GMDS: variants seen among roughly 807,000 people sequenced by gnomAD.
GMDS encodes GDP-mannose 4,6-dehydratase.
Under a neutral mutation model 49.9 loss-of-function variants are expected in GMDS, and 20 were observed. That is an observed-to-expected ratio of 0.40 (90% CI 0.28 to 0.58). The LOEUF is 0.58. Among genes scored for constraint, GMDS ranks in the 20% least tolerant of loss-of-function variants. The pLI is 0.42. For synonymous variants in GMDS, 177 were observed against 178.6 expected, an observed-to-expected ratio of 0.99 and a Z score of 0.07; for missense variants, 362 against 481.4, an observed-to-expected ratio of 0.75 and a Z score of 2.32.
chr6:1,977,573 G>C (rs893064996), intron 4 of GMDS, among the ~76,000 whole-genome samples: 4 of 152,170 alleles, frequency 2.6e-5, no homozygotes, highest in African/African-American at 9.7e-5. Flanking sequence ...CTAGGTTATC[G>C]CATTGGAACG....
rs183646299 is a variant in GMDS at position 1,879,851 on chromosome 6, A to C, written c.771+50252T>G. On this transcript the variant is annotated intron_variant, in intron 7 of 10. Transcript: ENST00000380815. ...ACCTCAGAGATAGTACAGCCTTTCTAGGATGATAACATTTTTGAACCCTGA... is the reference window on the plus strand; with the variant it reads ...ACCTCAGAGATAGTACAGCCTTTCTCGGATGATAACATTTTTGAACCCTGA... 3.9e-5 allele frequency among the ~76,000 whole-genome samples: 6 copies of C among 152,306 alleles called. No individual in the cohort carries two copies. In the Middle Eastern group the frequency reaches 0.014, roughly 345 times the overall value.
chr6:2,119,123 GA>G (rs1248017186), intron 2 of GMDS, among the ~76,000 whole-genome samples: 1 of 152,092 alleles, frequency 6.6e-6, no homozygotes, highest in Non-Finnish European at 1.5e-5. Context: ...GTTTGACAAT[GA>G]AAAGAATAAC....
chr6:1,697,777 C>T (rs1341686360), intron 9 of GMDS, among the ~76,000 whole-genome samples: 1 of 152,204 alleles, frequency 6.6e-6, no homozygotes, highest in Non-Finnish European at 1.5e-5. Context: ...AAGTAGAAGT[C>T]AGACTAGATG....
At chr6:1,973,639 C>G (rs551954401) in intron 4 of GMDS, among the ~76,000 whole-genome samples, 1 of 152,130 alleles carries the variant, frequency 6.6e-6, no homozygotes, top group Non-Finnish European at 1.5e-5. Context: ...AAACAACATA[C>G]AGTCTTCATT....
chr6:1,637,034 AC>A (rs1056294029), intron 9 of GMDS, among the ~76,000 whole-genome samples: 48 of 152,204 alleles, frequency 3.2e-4, no homozygotes, highest in South Asian at 1.7e-3. Flanking sequence ...TGCCTTGGGG[AC>A]CCCGCACTGT....
chr6:1,628,641 T>C (rs973046652), intron 9 of GMDS, among the ~76,000 whole-genome samples: 1 of 152,216 alleles, frequency 6.6e-6, no homozygotes, highest in South Asian at 2.1e-4. Context: ...AGAACATCTG[T>C]TTAGGTGGAG....
At chr6:1,676,842 T>C (rs1764640129) in intron 9 of GMDS, among the ~76,000 whole-genome samples, 2 of 152,136 alleles carry the variant, frequency 1.3e-5, no homozygotes, top group Admixed American at 1.3e-4. Flanking sequence ...GAAGAAAACC[T>C]AGGCAATACC....
At chr6:1,626,020 A>G (rs1762840830) in intron 9 of GMDS, 1 of 152,260 alleles carries the variant, frequency 6.6e-6, no homozygotes, top group South Asian at 2.1e-4. Flanking sequence ...TTTTCTTCAG[A>G]CTTCCCTGAA....
At chr6:1,758,320 G>A (rs975374113) in intron 7 of GMDS, among the ~76,000 whole-genome samples, 3 of 152,192 alleles carry the variant, frequency 2.0e-5, no homozygotes, top group Non-Finnish European at 4.4e-5. Context: ...AACTGGGAGA[G>A]AGTGAGTGTT....
chr6:2,003,502 A>G (rs1244422045), intron 4 of GMDS, among the ~76,000 whole-genome samples: 2 of 152,150 alleles, frequency 1.3e-5, no homozygotes, highest in East Asian at 3.8e-4. Context: ...CCCCAAAAGA[A>G]TCTGTGACAA....
At chr6:1,798,103 G>A (rs139058462) in intron 7 of GMDS, among the ~76,000 whole-genome samples, 1,727 of 152,164 alleles carry the variant, frequency 0.011, 29 homozygotes, top group African/African-American at 0.039. Context: ...TTCCAGTTTT[G>A]GTTTCGATCT....
At chr6:1,685,384 C>T (rs1764941708) in intron 9 of GMDS, among the ~76,000 whole-genome samples, 1 of 152,112 alleles carries the variant, frequency 6.6e-6, no homozygotes. Flanking sequence ...AAACAACAAA[C>T]AAACAAAGTA....
At chr6:1,763,414 C>G (rs1262104104) in intron 7 of GMDS, among the ~76,000 whole-genome samples, 2 of 152,130 alleles carry the variant, frequency 1.3e-5, no homozygotes, top group African/African-American at 4.8e-5. Flanking sequence ...GAGATAAAAC[C>G]CCAGCGTCTC....
At position 2,124,696 on chromosome 6, in the gene GMDS, T is replaced by C. The variant is rs753863925; in HGVS notation, c.138A>G (p.Lys46=). Reference sequence around the variant, plus strand: ...CCATTGAGTCACCCACCTCATAGCCTTTCTCCAGCAGGAACTCAGCCAGGT... The same window carrying C: ...CCATTGAGTCACCCACCTCATAGCCCTTCTCCAGCAGGAACTCAGCCAGGT... ...GSYLAEFLLE[K]GYEVHGIVRR... The change falls in exon 2 of 11, where the codon AAA becomes AAG. Residue 46 remains lysine, a synonymous_variant. Transcript: ENST00000380815. The C allele has an allele frequency of 6.2e-7, 1 of 1,613,780 alleles. No individual in the cohort carries two copies.
intron 4 of GMDS, among the ~76,000 whole-genome samples, chr6:2,003,538 G>A (rs900234660): frequency 1.3e-5 from 2 of 152,078 alleles, no homozygotes; most frequent in Non-Finnish European, 2.9e-5. Flanking sequence ...TGTCCAAGTG[G>A]CAGCACCAGC....
intron 8 of GMDS, among the ~76,000 whole-genome samples, chr6:1,728,623 C>T (rs1372849594): frequency 6.6e-6 from 1 of 152,156 alleles, no homozygotes; most frequent in Non-Finnish European, 1.5e-5. Flanking sequence ...AACACACACA[C>T]ATATTTAAAT....
At chr6:1,682,811 C>T (rs1309403527) in intron 9 of GMDS, among the ~76,000 whole-genome samples, 1 of 2,588 alleles carries the variant, frequency 3.9e-4, no homozygotes, top group East Asian at 4.4e-3. Context: ...CCTCGTGATC[C>T]GCCCGCCTCG....
intron 9 of GMDS, among the ~76,000 whole-genome samples, chr6:1,647,725 GAGA>G (rs765247272): frequency 1.3e-5 from 2 of 152,182 alleles, no homozygotes; most frequent in African/African-American, 2.4e-5. Context: ...ATGCTCTGGA[GAGA>G]AGGAGTCATC....
chr6:2,168,201 C>T (rs1453814306), intron 1 of GMDS, among the ~76,000 whole-genome samples: 2 of 152,170 alleles, frequency 1.3e-5, no homozygotes, highest in Non-Finnish European at 2.9e-5. Context: ...GATGTGTTAG[C>T]AACAGTCATG....
Sources: allele counts gnomAD v4.1 joint callset (sites outside exome capture counted in the v4.1 genomes callset), GRCh38; gene constraint gnomAD v4.1.1; transcripts MANE v1.5; gene names NCBI Gene and HGNC (gene_info 2026-07-23, HGNC 2026-07-21).